Variants in SUGCT observed in about 807,000 individuals in gnomAD.
SUGCT encodes succinyl-CoA:glutarate-CoA transferase, also known as succinyl-CoA:glutarate CoA-transferase.
SUGCT carries 41 observed loss-of-function variants against 55.0 expected under a neutral mutation model. That is an observed-to-expected ratio of 0.74 (90% confidence interval 0.58 to 0.97). The LOEUF (loss-of-function observed/expected upper bound fraction) is 0.97, where lower values mean the gene tolerates loss of function less well. Ranked by LOEUF, SUGCT falls within the 50% of genes least tolerant of loss-of-function variation. SUGCT has a pLI of 0.00. For missense variants in SUGCT, 568 were observed against 547.8 expected (o/e 1.04, Z -0.37); for synonymous variants, 187 against 200.4 (o/e 0.93, Z 0.56).
intron 7 of SUGCT, among the ~76,000 whole-genome samples, chr7:40,270,322 C>G (rs1233883206): frequency 6.6e-6 from 1 of 151,942 alleles, no homozygotes; most frequent in Non-Finnish European, 1.5e-5. Flanking sequence ...GATGTCATAT[C>G]AAAGAAATTA....
intron 12 of SUGCT, among the ~76,000 whole-genome samples, chr7:40,544,024 T>A (rs1339655198): frequency 1.3e-5 from 2 of 152,110 alleles, no homozygotes; most frequent in African/African-American, 4.8e-5. Context: ...GGCACTCTAG[T>A]TTGGAGTAAT....
intron 12 of SUGCT, among the ~76,000 whole-genome samples, chr7:40,521,641 T>C (rs73308255): frequency 0.011 from 1,746 of 152,236 alleles, 32 homozygotes; most frequent in African/African-American, 0.035. Context: ...TTTATTCTTT[T>C]ATATCTCTTC....
intron 12 of SUGCT, among the ~76,000 whole-genome samples, chr7:40,633,222 G>A (rs1421471807): frequency 1.3e-5 from 2 of 152,172 alleles, no homozygotes; most frequent in African/African-American, 4.8e-5. Context: ...TTGCTTCTGA[G>A]TTTCTGTACA....
At chr7:40,575,892 C>G (rs1459470375) in intron 12 of SUGCT, among the ~76,000 whole-genome samples, 3 of 148,476 alleles carry the variant, frequency 2.0e-5, no homozygotes, top group South Asian at 4.2e-4. Context: ...TGCAGTGAGC[C>G]GAGATTGTGC....
chr7:40,950,532 G>A, the SUGCT span, among the ~76,000 whole-genome samples: 1 of 152,126 alleles, frequency 6.6e-6, no homozygotes, highest in African/African-American at 2.4e-5. Flanking sequence ...CCTGTCTTGT[G>A]CCAGTTTTCA....
At chr7:41,022,542 A>G in the SUGCT span, among the ~76,000 whole-genome samples, 1 of 152,168 alleles carries the variant, frequency 6.6e-6, no homozygotes, top group Non-Finnish European at 1.5e-5. Context: ...AAAATGTTGG[A>G]TACATTTCTT....
At chr7:40,999,457 C>T in the SUGCT span, among the ~76,000 whole-genome samples, 1 of 152,058 alleles carries the variant, frequency 6.6e-6, no homozygotes, top group Non-Finnish European at 1.5e-5. Context: ...AGAGAGTAAG[C>T]CAGGGTGTTA....
At position 40,252,984 on chromosome 7, in the gene SUGCT, A is replaced by G. The variant is rs141341267; in HGVS notation, c.576+15258A>G. ...AGCTAATGAATATTATAACTGTGGA[A>G]ATATAACTTTGGAAATAATGAGGCC... On this transcript the variant is annotated intron_variant, in intron 7 of 13. Transcript: ENST00000335693. Among the ~76,000 whole-genome samples, 739 of 152,340 alleles carry G rather than the reference A, an allele frequency of 4.9e-3. 6 individuals carry two copies. Among genetic ancestry groups the G allele is most frequent in the African/African-American group, 0.017 (703 of 41,566 alleles).
At chr7:40,344,811 A>G (rs1352206272) in intron 9 of SUGCT, among the ~76,000 whole-genome samples, 4 of 152,196 alleles carry the variant, frequency 2.6e-5, no homozygotes, top group Non-Finnish European at 5.9e-5. Flanking sequence ...CTCTTTATGT[A>G]ACACATACTA....
intron 12 of SUGCT, among the ~76,000 whole-genome samples, chr7:40,668,540 C>G (rs1801767837): frequency 6.6e-6 from 1 of 152,094 alleles, no homozygotes; most frequent in South Asian, 2.1e-4. Context: ...TTCTCTATTC[C>G]TTCTGCTAAG....
At chr7:41,013,525 A>G in the SUGCT span, among the ~76,000 whole-genome samples, 1 of 152,154 alleles carries the variant, frequency 6.6e-6, no homozygotes, top group African/African-American at 2.4e-5. Context: ...AAATATAGTA[A>G]CAAAAAAGTG....
At chr7:40,907,104 TGTGTGTGTGTGTG>T in the SUGCT span, among the ~76,000 whole-genome samples, 791 of 113,612 alleles carry the variant, frequency 7.0e-3, 5 homozygotes, top group African/African-American at 0.026. Context: ...ATAGTGTGTG[TGTGTGTGTGTGTG>T]TGTGTGTGTG....
At chr7:40,364,985 T>G (rs925707723) in intron 9 of SUGCT, among the ~76,000 whole-genome samples, 35 of 152,092 alleles carry the variant, frequency 2.3e-4, no homozygotes, top group Non-Finnish European at 4.3e-4. Context: ...ACCAATATCC[T>G]TGATGAACAT....
chr7:40,345,077 T>C (rs1399894850), intron 9 of SUGCT, among the ~76,000 whole-genome samples: 4 of 152,190 alleles, frequency 2.6e-5, no homozygotes, highest in Non-Finnish European at 5.9e-5. Context: ...ATACAAATAA[T>C]TAGCAGCTTT....
intron 9 of SUGCT, among the ~76,000 whole-genome samples, chr7:40,429,749 C>T (rs1214217533): frequency 6.6e-6 from 1 of 152,150 alleles, no homozygotes; most frequent in Non-Finnish European, 1.5e-5. Flanking sequence ...ATGTTAATCT[C>T]CTTTGGCAAT....
intron 12 of SUGCT, among the ~76,000 whole-genome samples, chr7:40,626,127 C>A (rs1054061742): frequency 1.3e-5 from 2 of 152,182 alleles, no homozygotes; most frequent in African/African-American, 4.8e-5. Flanking sequence ...CACCTTGTGG[C>A]CAAAAGGACG....
the SUGCT span, among the ~76,000 whole-genome samples, chr7:41,027,148 CA>C: frequency 6.6e-6 from 1 of 152,236 alleles, no homozygotes; most frequent in Non-Finnish European, 1.5e-5. Context: ...GAAGCAGAAG[CA>C]ATCTGGAAAA....
the SUGCT span, among the ~76,000 whole-genome samples, chr7:40,883,467 A>T: frequency 1.3e-5 from 2 of 152,202 alleles, no homozygotes; most frequent in East Asian, 3.9e-4. Context: ...CTAAGGTCAG[A>T]TCTTTACTCT....
intron 10 of SUGCT, among the ~76,000 whole-genome samples, chr7:40,455,906 G>A (rs906948209): frequency 3.3e-5 from 5 of 152,226 alleles, no homozygotes; most frequent in South Asian, 2.1e-4. Context: ...AAGTGATGGC[G>A]GTGTATATGA....
Sources: allele counts gnomAD v4.1 joint callset (sites outside exome capture counted in the v4.1 genomes callset), GRCh38; gene constraint gnomAD v4.1.1; transcripts MANE v1.5; gene names NCBI Gene and HGNC (gene_info 2026-07-23, HGNC 2026-07-21).